Variants in MOB3B observed in about 807,000 individuals in gnomAD.
The protein encoded by MOB3B is MOB kinase activator-like 2B.
Under a neutral mutation model 18.7 loss-of-function variants are expected in MOB3B, and 7 were observed. The ratio of observed to expected loss-of-function variants is 0.37; its 90% CI spans 0.21 to 0.70. The LOEUF is 0.70. Ranked by LOEUF, MOB3B falls within the 30% of genes least tolerant of loss-of-function variation. The pLI is 0.52. For synonymous variants in MOB3B, 111 were observed against 99.9 expected (o/e 1.11, Z -0.66); for missense variants, 253 against 281.3 (o/e 0.90, Z 0.72).
chr9:27,463,797 C>T (rs1225232653), intron 1 of MOB3B, among the ~76,000 whole-genome samples: 1 of 151,504 alleles, frequency 6.6e-6, no homozygotes, highest in Non-Finnish European at 1.5e-5. Context: ...CTCATCTCTA[C>T]AAAAAATACA....
intron 3 of MOB3B, among the ~76,000 whole-genome samples, chr9:27,351,205 C>T (rs924781915): frequency 6.6e-6 from 1 of 152,258 alleles, no homozygotes; most frequent in African/African-American, 2.4e-5. Context: ...GCCTGGCCCA[C>T]AGTGGGCTTT....
intron 2 of MOB3B, among the ~76,000 whole-genome samples, chr9:27,368,674 C>G (rs1172629285): frequency 1.3e-5 from 2 of 152,198 alleles, no homozygotes; most frequent in Non-Finnish European, 2.9e-5. Context: ...CTCCCCAGCC[C>G]CTTTGTGCTG....
At chr9:27,490,379 A>C (rs1275061396) in intron 1 of MOB3B, among the ~76,000 whole-genome samples, 1 of 152,194 alleles carries the variant, frequency 6.6e-6, no homozygotes, top group Non-Finnish European at 1.5e-5. Flanking sequence ...AAATATTAAA[A>C]GTATTATTAT....
At chr9:27,515,160 T>G (rs190321385) in intron 1 of MOB3B, among the ~76,000 whole-genome samples, 7 of 152,370 alleles carry the variant, frequency 4.6e-5, no homozygotes, top group African/African-American at 1.4e-4. Flanking sequence ...TTCTTAACAT[T>G]TGAACTGTGC....
intron 3 of MOB3B, among the ~76,000 whole-genome samples, chr9:27,347,862 G>A (rs1483285772): frequency 6.6e-6 from 1 of 152,174 alleles, no homozygotes; most frequent in African/African-American, 2.4e-5. Flanking sequence ...GGAGCAATAG[G>A]CTATACCACA....
chr9:27,430,549 T>C (rs1235423871), intron 2 of MOB3B, among the ~76,000 whole-genome samples: 3 of 152,210 alleles, frequency 2.0e-5, no homozygotes, highest in Non-Finnish European at 4.4e-5. Flanking sequence ...TCTAAGTCTT[T>C]TTTTTGTTTG....
chr9:27,403,530 T>TTC (rs1384579822), intron 2 of MOB3B, among the ~76,000 whole-genome samples: 1 of 123,394 alleles, frequency 8.1e-6, no homozygotes, highest in Non-Finnish European at 1.7e-5. Flanking sequence ...TTTTTTTTTT[T>TTC]TTTTTTTTTT....
intron 1 of MOB3B, among the ~76,000 whole-genome samples, chr9:27,457,881 G>C (rs1210848705): frequency 6.6e-6 from 1 of 152,136 alleles, no homozygotes; most frequent in Non-Finnish European, 1.5e-5. Context: ...AAAGAATGGA[G>C]TGATCTCTTT....
intron 3 of MOB3B, among the ~76,000 whole-genome samples, chr9:27,348,507 T>C (rs899365292): frequency 6.6e-6 from 1 of 151,660 alleles, no homozygotes. Context: ...AAAAAAATTA[T>C]CCGGGCATAG....
chr9:27,366,552 C>T (rs1463506338), intron 2 of MOB3B, among the ~76,000 whole-genome samples: 1 of 152,120 alleles, frequency 6.6e-6, no homozygotes, highest in Non-Finnish European at 1.5e-5. Flanking sequence ...GGAAAAACTC[C>T]TTTAGAATAT....
chr9:27,417,235 G>A (rs1460199544), intron 2 of MOB3B, among the ~76,000 whole-genome samples: 1 of 152,100 alleles, frequency 6.6e-6, no homozygotes, highest in Non-Finnish European at 1.5e-5. Context: ...GTGGTGGCGG[G>A]CACCTGTAGT....
At chr9:27,467,891 T>C (rs1819410751) in intron 1 of MOB3B, among the ~76,000 whole-genome samples, 1 of 152,162 alleles carries the variant, frequency 6.6e-6, no homozygotes, top group Non-Finnish European at 1.5e-5. Context: ...AGAAACAAAG[T>C]TGATTTTTGT....
intron 1 of MOB3B, among the ~76,000 whole-genome samples, chr9:27,485,821 A>G (rs1460447917): frequency 6.6e-6 from 1 of 152,250 alleles, no homozygotes; most frequent in East Asian, 1.9e-4. Flanking sequence ...ACAAAACACT[A>G]TCTAATGATG....
At chr9:27,513,020 A>G (rs1820170055) in intron 1 of MOB3B, among the ~76,000 whole-genome samples, 1 of 152,204 alleles carries the variant, frequency 6.6e-6, no homozygotes, top group South Asian at 2.1e-4. Flanking sequence ...TATTTATATC[A>G]TTGGCTAAAG....
At chr9:27,473,382 C>T (rs1198113078) in intron 1 of MOB3B, among the ~76,000 whole-genome samples, 2 of 152,056 alleles carry the variant, frequency 1.3e-5, no homozygotes, top group African/African-American at 2.4e-5. Context: ...GTTTGGAGAG[C>T]CACGCTCCTA....
At chr9:27,332,896 G>C (rs1171037420) in intron 3 of MOB3B, among the ~76,000 whole-genome samples, 1 of 152,196 alleles carries the variant, frequency 6.6e-6, no homozygotes, top group Admixed American at 6.5e-5. Flanking sequence ...GTAGGTTAAA[G>C]CCTCTAAGAT....
chr9:27,481,540 C>T (rs1227455450), intron 1 of MOB3B, among the ~76,000 whole-genome samples: 3 of 115,496 alleles, frequency 2.6e-5, no homozygotes, highest in Admixed American at 2.2e-4. Flanking sequence ...TTTTTTGAGA[C>T]GGAGTCTAGC....
intron 1 of MOB3B, among the ~76,000 whole-genome samples, chr9:27,506,744 A>G (rs1346013124): frequency 6.7e-6 from 1 of 150,116 alleles, no homozygotes; most frequent in Non-Finnish European, 1.5e-5. Flanking sequence ...GTTAGCCAGG[A>G]TGGTCTCGAT....
At chr9:27,430,502 C>T (rs1023168390) in intron 2 of MOB3B, among the ~76,000 whole-genome samples, 1 of 152,116 alleles carries the variant, frequency 6.6e-6, no homozygotes, top group African/African-American at 2.4e-5. Flanking sequence ...ACTACTGCAG[C>T]CAACGCAGAA....
Sources: gnomAD v4.1 joint callset for allele counts (sites outside exome capture counted in the v4.1 genomes callset) on GRCh38, gnomAD v4.1.1 for gene constraint, MANE v1.5 for transcripts, NCBI Gene and HGNC (gene_info 2026-07-23, HGNC 2026-07-21) for gene names.